CHID1: variants seen among roughly 807,000 people sequenced by gnomAD.
The protein encoded by CHID1 is chitinase domain containing 1.
In CHID1, 44 loss-of-function variants were observed where a neutral mutation model predicts 55.4. That is an observed-to-expected ratio of 0.79 (90% confidence interval 0.62 to 1.02). CHID1 has a LOEUF of 1.02. CHID1 is among the 50% of genes least tolerant of loss of function. CHID1 has a pLI of 0.00. For synonymous variants in CHID1, 216 were observed against 212.9 expected (o/e 1.01, Z -0.13); for missense variants, 491 against 515.3 (o/e 0.95, Z 0.46).
In CHID1 at chr11:869,395, G is replaced by T; in HGVS notation, c.*463C>A. On this transcript the variant is annotated 3_prime_UTR_variant, in exon 13 of 13. Coordinates refer to ENST00000323578, the MANE Select transcript of CHID1 (RefSeq NM_023947.4). ...CTGGCCAGGTGGGTGGCAGGTATGTGGGGGTGGAGCTCTCAGCTCTATCAC... is the reference window on the plus strand; with the variant it reads ...CTGGCCAGGTGGGTGGCAGGTATGTTGGGGTGGAGCTCTCAGCTCTATCAC... 5.7e-6 allele frequency: 1 copy of T among 173,998 alleles called. No homozygotes were observed. Among genetic ancestry groups the T allele is most frequent in the Non-Finnish European group, 1.2e-5 (1 of 81,556 alleles). The allele number at this position is 173,998 out of a possible 1,614,324, so 10.8% of individuals were successfully genotyped here. A position where few individuals can be genotyped will look rare whatever the true frequency, so the allele number is the denominator to read the frequency against.
intron 1 of CHID1, chr11:910,545 G>A: frequency 3.4e-6 from 3 of 873,636 alleles, no homozygotes; most frequent in South Asian, 7.9e-5. Context: ...CTCCACCCCC[G>A]CTCTCGCTCA....
rs915231215 is a variant in CHID1 at position 902,645 on chromosome 11, G to A, written c.262-315C>T. Among the ~76,000 whole-genome samples the A allele has an allele frequency of 7.6e-5, 11 of 145,146 alleles. No homozygotes were observed. In the East Asian group the frequency reaches 2.0e-3, roughly 26 times the overall value. On this transcript the variant is annotated intron_variant, in intron 3 of 12. Transcript: ENST00000323578. ...AGCAAGAGAAGAGGAGGCTGGGTGT[G>A]AGAACCCACCCCTCCCTGGCCCAGG...
chr11:868,561 CGGCT>C lies in CHID1; in HGVS notation c.*1293_*1296del, dbSNP rs1365701465. 3 of 152,176 alleles carry C rather than the reference CGGCT, an allele frequency of 2.0e-5. No homozygotes were observed. The highest frequency in any genetic ancestry group is 6.5e-5 in the Admixed American group (1 of 15,270). 9.4% of individuals were successfully genotyped at this position (152,176 alleles called of 1,614,324 possible). ...TCAAGCAGCAGCAGGGCGGTGGGAACGGCTGCACCTGCACTGTGGCAGCTCGCAG... is the reference window on the plus strand; with the variant it reads ...TCAAGCAGCAGCAGGGCGGTGGGAACGCACCTGCACTGTGGCAGCTCGCAG... On this transcript the variant is annotated 3_prime_UTR_variant, in exon 13 of 13. Coordinates refer to ENST00000323578, the MANE Select transcript of CHID1 (RefSeq NM_023947.4).
Position 875,287 on chromosome 11 carries a change from C to G in CHID1, c.960-4788G>C, listed in dbSNP as rs1393388333. On this transcript the variant is annotated intron_variant, in intron 10 of 12. Coordinates refer to ENST00000323578, the MANE Select transcript of CHID1 (RefSeq NM_023947.4). This position sits in a 1 kb window ranked among gnomAD's most constrained non-coding sequence, Gnocchi z 4.7. ...ACAGCCCTCCTCGGTGGGTGGCCAT[C>G]CTTCTTCGGGGCTGTCCTGTCTGAA... Among the ~76,000 whole-genome samples, 1 of 152,184 alleles carries G rather than the reference C, an allele frequency of 6.6e-6. No individual in the cohort carries two copies. The highest frequency in any genetic ancestry group is 1.5e-5 in the Non-Finnish European group (1 of 68,030).
At chr11:897,369 G>A (rs1851441201) in intron 7 of CHID1, among the ~76,000 whole-genome samples, 2 of 152,206 alleles carry the variant, frequency 1.3e-5, no homozygotes, top group Non-Finnish European at 2.9e-5. Flanking sequence ...AAACGGAAAT[G>A]AGTGTGGCAA....
At chr11:890,782 G>A (rs925896221) in intron 8 of CHID1, among the ~76,000 whole-genome samples, 5 of 152,190 alleles carry the variant, frequency 3.3e-5, no homozygotes, top group Admixed American at 1.3e-4. Context: ...CTGGAGGTCC[G>A]CAGAGTGCTC....
chr11:901,701 G>A (rs1011075282), intron 4 of CHID1, among the ~76,000 whole-genome samples: 8 of 152,132 alleles, frequency 5.3e-5, no homozygotes, highest in Non-Finnish European at 1.0e-4. Context: ...GAAGTGCAAG[G>A]GAAGGCCACC....
intron 10 of CHID1, among the ~76,000 whole-genome samples, chr11:874,537 C>T (rs1366760259): frequency 6.6e-6 from 1 of 152,198 alleles, no homozygotes; most frequent in African/African-American, 2.4e-5. Flanking sequence ...GCACTGCAGC[C>T]TGGACCTCCA....
Position 884,166 on chromosome 11 carries a change from G to T in CHID1, c.705C>A (p.Thr235=). 1 of 1,613,732 alleles carries T rather than the reference G, an allele frequency of 6.2e-7. No individual in the cohort carries two copies. The highest frequency in any genetic ancestry group is 8.5e-7 in the Non-Finnish European group (1 of 1,179,798). Residue 235 remains threonine, a synonymous_variant, in exon 9 of 13, where the codon ACC becomes ACA. Transcript: ENST00000323578. ...TGTGCGTGAACATGCCCAGCTGGTC[G>T]GTCCTGTAACAGACAGGTGCAGCCA... ...LVIPPAITPG[T]DQLGMFTHKE...
At chr11:873,183 G>A (rs901892350) in intron 10 of CHID1, among the ~76,000 whole-genome samples, 6 of 152,146 alleles carry the variant, frequency 3.9e-5, no homozygotes, top group South Asian at 2.1e-4. Flanking sequence ...GGGGCCACCC[G>A]GTATAGGGGC....
At chr11:910,562 C>A in intron 1 of CHID1, 1 of 1,123,798 alleles carries the variant, frequency 8.9e-7, no homozygotes. Flanking sequence ...CTCACCCTCG[C>A]TCTCATAGCA....
chr11:901,075 C>G (rs1227048365), intron 4 of CHID1, 95 bp from the exon 5 acceptor site: 5 of 1,199,666 alleles, frequency 4.2e-6, no homozygotes, highest in Non-Finnish European at 5.9e-6. Flanking sequence ...CCGCACAATA[C>G]GCAATGGGAA....
chr11:899,417 A>G lies in CHID1; in HGVS notation c.547-16T>C, dbSNP rs1257827552. On this transcript the variant is annotated splice_polypyrimidine_tract_variant and intron_variant, in intron 6 of 12. Transcript: ENST00000323578. Reference sequence around the variant, plus strand: ...AATGCTGGTTCTGAAAGAAGCAGTCACAGGTGAGGAGGGCCTGGAGGCCCA... The same window carrying G: ...AATGCTGGTTCTGAAAGAAGCAGTCGCAGGTGAGGAGGGCCTGGAGGCCCA... 6.3e-7 allele frequency: 1 copy of G among 1,591,276 alleles called. No individual in the cohort carries two copies.
intron 1 of CHID1, among the ~76,000 whole-genome samples, chr11:907,394 T>C (rs988128784): frequency 1.3e-5 from 2 of 151,466 alleles, no homozygotes; most frequent in Non-Finnish European, 2.9e-5. Flanking sequence ...AGCAGGAGAA[T>C]GGTGTGAATC....
At position 884,071 on chromosome 11, in the gene CHID1, T is replaced by C. The variant is rs1434120976; in HGVS notation, c.800A>G (p.His267Arg). The C allele has an allele frequency of 6.2e-7, 1 of 1,613,148 alleles. No individual in the cohort carries two copies. Among genetic ancestry groups the C allele is most frequent in the Admixed American group, 1.7e-5 (1 of 60,012 alleles). Residue 267 changes from histidine (H) to arginine (R), a missense_variant, in exon 9 of 13, where the codon CAT (histidine) becomes CGT (arginine). By Grantham distance (29) the His-to-Arg change is conservative (BLOSUM62 0). Coordinates refer to ENST00000323578, the MANE Select transcript of CHID1 (RefSeq NM_023947.4). ...SLMTYDYSTA[H>R]QPGPNAPLSW... Reference sequence around the variant, plus strand: ...AGCCCCCCAAGCCCACACTCACTGATGCGCTGTAGAGTAGTCGTAGGTCAT... The same window carrying C: ...AGCCCCCCAAGCCCACACTCACTGACGCGCTGTAGAGTAGTCGTAGGTCAT...
intron 1 of CHID1, among the ~76,000 whole-genome samples, chr11:909,804 C>T (rs887458017): frequency 6.6e-6 from 1 of 152,148 alleles, no homozygotes; most frequent in Non-Finnish European, 1.5e-5. Context: ...ACAGCCAGAC[C>T]TGGTCTCTAC....
chr11:898,555 G>A (rs1221627566), intron 7 of CHID1, among the ~76,000 whole-genome samples: 1 of 152,248 alleles, frequency 6.6e-6, no homozygotes, highest in Non-Finnish European at 1.5e-5. Flanking sequence ...GAGCAGTACT[G>A]TCCCCCTGCT....
rs1399619685 is a variant in CHID1 at position 880,194 on chromosome 11, G to A, written c.959+2954C>T. On this transcript the variant is annotated intron_variant, in intron 10 of 12. Transcript: ENST00000323578. ...ATCGCCCTCGCCTGTGCGGAGCCCC[G>A]CGTGTCTCAGTGTGTGGCTGAGTTC... is the stretch of plus-strand genomic sequence containing the variant. Among the ~76,000 whole-genome samples the A allele has an allele frequency of 3.9e-5, 6 of 152,360 alleles. No homozygotes were observed. In the East Asian group the frequency reaches 5.8e-4, roughly 15 times the overall value.
chr11:889,195 CGAGT>C (rs1850625959), intron 8 of CHID1, among the ~76,000 whole-genome samples: 1 of 152,164 alleles, frequency 6.6e-6, no homozygotes, highest in Admixed American at 6.5e-5. Flanking sequence ...GACGGTGACA[CGAGT>C]GAGCCCACAG....
Sources: allele counts gnomAD v4.1 joint callset (sites outside exome capture counted in the v4.1 genomes callset), GRCh38; gene constraint gnomAD v4.1.1; non-coding constraint Gnocchi (gnomAD v3.1); transcripts MANE v1.5; gene names NCBI Gene and HGNC (gene_info 2026-07-23, HGNC 2026-07-21).